The following CNTNAP2 variants were observed in gnomAD, a reference collection of about 807,000 sequenced individuals.
CNTNAP2 encodes contactin associated protein 2.
A neutral mutation model predicts 155.2 loss-of-function variants in CNTNAP2; 98 were observed. That is an observed-to-expected ratio of 0.63 (90% CI 0.54 to 0.75). The LOEUF (loss-of-function observed/expected upper bound fraction) is 0.75, where lower values mean the gene tolerates loss of function less well. Among genes scored for constraint, CNTNAP2 ranks in the 30% least tolerant of loss-of-function variants. The pLI is 0.00. For missense variants in CNTNAP2, 1,727 were observed against 1,688.1 expected (o/e 1.02, Z -0.40); for synonymous variants, 651 against 631.2 (o/e 1.03, Z -0.47).
chr7:146,935,910 A>T (rs1796904855), intron 3 of CNTNAP2, among the ~76,000 whole-genome samples: 1 of 152,194 alleles, frequency 6.6e-6, no homozygotes, highest in South Asian at 2.1e-4. Flanking sequence ...TCTTGGTGTT[A>T]TCCTCCCGAT....
intron 4 of CNTNAP2, among the ~76,000 whole-genome samples, chr7:147,094,528 C>T (rs998616746): frequency 6.6e-5 from 10 of 151,310 alleles, no homozygotes; most frequent in Non-Finnish European, 1.0e-4. Context: ...CAGCCTCCCG[C>T]GTAGCTGGGA....
chr7:146,925,527 GTTATGTTAATTATA>G (rs1392551135), intron 3 of CNTNAP2, among the ~76,000 whole-genome samples: 2 of 152,064 alleles, frequency 1.3e-5, no homozygotes, highest in African/African-American at 2.4e-5. Context: ...TAATTATGTT[GTTATGTTAATTATA>G]TTATGTTAAT....
At chr7:148,342,643 T>C (rs1798256041) in intron 21 of CNTNAP2, among the ~76,000 whole-genome samples, 1 of 152,234 alleles carries the variant, frequency 6.6e-6, no homozygotes, top group Admixed American at 6.5e-5. Context: ...TTCTTATTCC[T>C]TTGAAATTGA....
chr7:146,289,654 A>C (rs2129086373), intron 1 of CNTNAP2, among the ~76,000 whole-genome samples: 1 of 152,304 alleles, frequency 6.6e-6, no homozygotes, highest in Non-Finnish European at 1.5e-5. Flanking sequence ...CCTTCAGCAA[A>C]CGACCATTTA....
chr7:147,410,463 AAAT>A (rs1797084895), intron 10 of CNTNAP2, among the ~76,000 whole-genome samples: 1 of 152,176 alleles, frequency 6.6e-6, no homozygotes, highest in Admixed American at 6.5e-5. Flanking sequence ...CTAGGTGATG[AAAT>A]AATCTGTACA....
intron 3 of CNTNAP2, among the ~76,000 whole-genome samples, chr7:146,940,241 C>G (rs1797022438): frequency 6.6e-6 from 1 of 151,902 alleles, no homozygotes; most frequent in African/African-American, 2.4e-5. Flanking sequence ...GAGTCTTGCT[C>G]TGTCGCCAGG....
Position 146,959,602 on chromosome 7 carries a change from C to T in CNTNAP2, c.403-84305C>T, listed in dbSNP as rs1359003151. 2.0e-5 allele frequency among the ~76,000 whole-genome samples: 3 copies of T among 151,244 alleles called. No homozygotes were observed. The East Asian group carries it at 5.9e-4, about 30-fold the overall frequency. On this transcript the variant is annotated intron_variant, in intron 3 of 23. Coordinates refer to ENST00000361727, the MANE Select transcript of CNTNAP2 (RefSeq NM_014141.6). ...AGGCATGGTGGCAGACACCTGTAATCCCAGCTACTTGGGAGGCTGAGGCAG... is the reference window on the plus strand; with the variant it reads ...AGGCATGGTGGCAGACACCTGTAATTCCAGCTACTTGGGAGGCTGAGGCAG...
At chr7:148,199,459 A>T (rs1795332405) in intron 18 of CNTNAP2, among the ~76,000 whole-genome samples, 1 of 152,222 alleles carries the variant, frequency 6.6e-6, no homozygotes, top group South Asian at 2.1e-4. Flanking sequence ...GTGGTTTGAG[A>T]TAGACTGTAG....
chr7:148,197,091 T>C (rs1049788111), intron 18 of CNTNAP2, among the ~76,000 whole-genome samples: 2 of 152,164 alleles, frequency 1.3e-5, no homozygotes, highest in African/African-American at 4.8e-5. Flanking sequence ...TTAATGTACA[T>C]CATAAAATAC....
chr7:148,340,349 T>C (rs1798207100), intron 21 of CNTNAP2, among the ~76,000 whole-genome samples: 1 of 152,180 alleles, frequency 6.6e-6, no homozygotes, highest in African/African-American at 2.4e-5. Context: ...GCATATAGGT[T>C]CCTTGAATCA....
chr7:146,270,396 C>G (rs556794997), intron 1 of CNTNAP2, among the ~76,000 whole-genome samples: 1 of 152,018 alleles, frequency 6.6e-6, no homozygotes, highest in Non-Finnish European at 1.5e-5. Context: ...AGATGATGTC[C>G]TGGTGTCTAG....
chr7:146,665,478 T>C lies in CNTNAP2; in HGVS notation c.98-108793T>C, dbSNP rs184116865. Among the ~76,000 whole-genome samples the C allele has an allele frequency of 2.2e-3, 334 of 152,076 alleles. 3 individuals are homozygous for C. The highest frequency in any genetic ancestry group is 7.5e-3 in the African/African-American group (312 of 41,478). On this transcript the variant is annotated intron_variant, in intron 1 of 23. Coordinates refer to ENST00000361727, the MANE Select transcript of CNTNAP2 (RefSeq NM_014141.6). ...TTTTGTTTTGTTTGTTTTTCATGTT[T>C]GGGGTTTTTAAGATACATTTCGGCT...
At chr7:146,590,945 A>C (rs1351031941) in intron 1 of CNTNAP2, among the ~76,000 whole-genome samples, 1 of 152,096 alleles carries the variant, frequency 6.6e-6, no homozygotes, top group Non-Finnish European at 1.5e-5. Flanking sequence ...TTTTACTGTT[A>C]AGTTCTGACA....
chr7:147,936,140 T>A (rs76152081), intron 14 of CNTNAP2, among the ~76,000 whole-genome samples: 8,415 of 152,288 alleles, frequency 0.055, 290 homozygotes, highest in South Asian at 0.14. Flanking sequence ...TGCACTAAGC[T>A]AAACATGAGA....
chr7:148,293,569 A>C (rs1797230561), intron 21 of CNTNAP2, among the ~76,000 whole-genome samples: 1 of 152,204 alleles, frequency 6.6e-6, no homozygotes, highest in African/African-American at 2.4e-5. Context: ...ATTCATCCAA[A>C]AGTACAAAGT....
chr7:146,740,805 C>G (rs1159954060), intron 1 of CNTNAP2, among the ~76,000 whole-genome samples: 2 of 150,318 alleles, frequency 1.3e-5, no homozygotes, highest in Non-Finnish European at 2.9e-5. Context: ...AGCCCACAGC[C>G]TCTGAGAATT....
chr7:146,320,015 A>G (rs1162203114), intron 1 of CNTNAP2, among the ~76,000 whole-genome samples: 1 of 148,140 alleles, frequency 6.8e-6, no homozygotes, highest in Non-Finnish European at 1.5e-5. Flanking sequence ...CCCCAGTTTT[A>G]GTACAAAAAT....
intron 1 of CNTNAP2, among the ~76,000 whole-genome samples, chr7:146,763,696 C>T (rs1031578203): frequency 4.6e-5 from 7 of 152,070 alleles, no homozygotes; most frequent in Non-Finnish European, 8.8e-5. Context: ...AGTACAGTAC[C>T]ATGATTGACA....
intron 15 of CNTNAP2, among the ~76,000 whole-genome samples, chr7:148,012,428 C>G (rs902312677): frequency 2.0e-5 from 3 of 152,174 alleles, no homozygotes; most frequent in African/African-American, 7.2e-5. Context: ...ACATTGCTGT[C>G]CAACCACTGT....
Sources: allele counts gnomAD v4.1 joint callset (sites outside exome capture counted in the v4.1 genomes callset), GRCh38; gene constraint gnomAD v4.1.1; transcripts MANE v1.5; gene names NCBI Gene and HGNC (gene_info 2026-07-23, HGNC 2026-07-21).